The following POLR1B variants were observed in gnomAD, a reference collection of about 807,000 sequenced individuals.
POLR1B encodes the protein RNA polymerase I subunit B.
A neutral mutation model predicts 105.8 loss-of-function variants in POLR1B; 30 were observed. The ratio of observed to expected loss-of-function variants is 0.28; its 90% CI spans 0.21 to 0.38. POLR1B has a LOEUF of 0.38. POLR1B is among the 10% of genes least tolerant of loss of function. The pLI, the probability that POLR1B is intolerant of heterozygous loss-of-function variation, is 1.00. For synonymous variants in POLR1B, 485 were observed against 505.1 expected, an observed-to-expected ratio of 0.96 and a Z score of 0.53; for missense variants, 976 against 1,435.8, an observed-to-expected ratio of 0.68 and a Z score of 5.17.
chr2:112,574,978 G>A lies in POLR1B; in HGVS notation c.2657G>A (p.Arg886His), dbSNP rs917627856. 1 of 1,614,170 alleles carries A rather than the reference G, an allele frequency of 6.2e-7. No individual in the cohort carries two copies. The stretch of plus-strand genomic sequence containing the variant: ...ACTATCGGAGATAAATTTGCCAGTC[G>A]CCATGGGCAGAAGGGCATTTTAAGC... ...NPTIGDKFAS[R>H]HGQKGILSRL... The change falls in exon 15 of 15, where the codon CGC becomes CAC. Residue 886 changes from arginine to histidine, a missense_variant. Arg to His is a conservative substitution (Grantham distance 29). This residue lies in a region of POLR1B where 35 missense variants were observed against 102.5 expected (regional missense o/e 0.34). Coordinates refer to ENST00000263331, the MANE Select transcript of POLR1B (RefSeq NM_019014.6).
rs373762215 is a variant in POLR1B, at chr2:112,568,737, C to T, written c.1918-9C>T. On this transcript the variant is annotated splice_polypyrimidine_tract_variant and intron_variant, in intron 11 of 14. Coordinates refer to ENST00000263331, the MANE Select transcript of POLR1B (RefSeq NM_019014.6). ...AGTTATTTTGTGCCTTGGACATCTG[C>T]TCTTCCAGATCTTCATGAATGTCGC... 1 of 1,613,272 alleles carries T rather than the reference C, an allele frequency of 6.2e-7. No individual in the cohort carries two copies. Among genetic ancestry groups the T allele is most frequent in the African/African-American group, 1.3e-5 (1 of 74,898 alleles).
chr2:112,550,681 G>A (rs986751644), intron 4 of POLR1B, 185 bp from the exon 5 acceptor site: 14 of 603,410 alleles, frequency 2.3e-5, no homozygotes, highest in African/African-American at 3.7e-5. Context: ...TTCTCAATCT[G>A]GGTAGATTTT....
chr2:112,569,005 A>G, intron 12 of POLR1B, 103 bp downstream of exon 12: 13 of 1,259,520 alleles, frequency 1.0e-5, no homozygotes, highest in Non-Finnish European at 1.4e-5. Context: ...ATTTGTTCCA[A>G]AAATACAGTT....
At chr2:112,571,842 T>G (rs1684611151) in intron 12 of POLR1B, among the ~76,000 whole-genome samples, 1 of 152,192 alleles carries the variant, frequency 6.6e-6, no homozygotes, top group African/African-American at 2.4e-5. Context: ...TCACCCAGTG[T>G]GTTCCTTTTG....
chr2:112,568,187 T>C lies in POLR1B; in HGVS notation c.1917+50T>C, dbSNP rs1443687581. 2.0e-6 allele frequency: 3 copies of C among 1,524,038 alleles called. No homozygotes were observed. In the African/African-American group the frequency reaches 4.1e-5, roughly 21 times the overall value. 94.4% of individuals were successfully genotyped at this position (1,524,038 alleles called of 1,614,324 possible). On this transcript the variant is annotated intron_variant, in intron 11 of 14. Transcript: ENST00000263331. Reference sequence around the variant, plus strand: ...AGTGTATGTGCTTGTTTGTATAGTATACAACTTTCAGAGACTTAACTCTTC... The same window carrying C: ...AGTGTATGTGCTTGTTTGTATAGTACACAACTTTCAGAGACTTAACTCTTC...
chr2:112,549,682 A>G (rs899673839), intron 4 of POLR1B, among the ~76,000 whole-genome samples: 3 of 151,854 alleles, frequency 2.0e-5, no homozygotes, highest in African/African-American at 7.3e-5. Flanking sequence ...TCTTGTGTTA[A>G]GTTTTCATAA....
chr2:112,547,337 C>T (rs1197401565), intron 2 of POLR1B, 84 bp from the exon 3 acceptor site: 4 of 1,503,204 alleles, frequency 2.7e-6, no homozygotes, highest in South Asian at 2.5e-5. Context: ...AATTGATCTT[C>T]TTCCTCAGTC....
At chr2:112,554,171 C>G (rs11123140) in intron 7 of POLR1B, among the ~76,000 whole-genome samples, 98,523 of 151,646 alleles carry the variant, frequency 0.65, 32,775 homozygotes, top group Middle Eastern at 0.79. Context: ...CTTGCTCTGT[C>G]TCCCAGGCTG....
At chr2:112,565,771 A>G (rs1267642878) in intron 10 of POLR1B, among the ~76,000 whole-genome samples, 2 of 151,840 alleles carry the variant, frequency 1.3e-5, no homozygotes, top group African/African-American at 4.8e-5. Context: ...ATTACATAGG[A>G]TGACTGATGG....
chr2:112,548,888 A>T (rs1683209918), intron 3 of POLR1B, among the ~76,000 whole-genome samples: 1 of 152,202 alleles, frequency 6.6e-6, no homozygotes, highest in Non-Finnish European at 1.5e-5. Context: ...CTGTGATTAC[A>T]GGCGTGAGCC....
At position 112,542,611 on chromosome 2, in the gene POLR1B, G is replaced by C. The variant is rs374432045; in HGVS notation, c.117G>C (p.Thr39=). The change falls in exon 1 of 15, where the codon ACG becomes ACC. Residue 39 remains threonine, a synonymous_variant. Transcript: ENST00000263331. ...EQQKAALQEL[T]RAHVESFNYA... ...AAAAGGCAGCGTTGCAGGAGCTGAC[G>C]CGGGCGCACGTGGAGTCCTTCAACT... is the stretch of plus-strand genomic sequence containing the variant. The C allele has an allele frequency of 1.2e-6, 2 of 1,614,004 alleles. No individual in the cohort carries two copies. The highest frequency in any genetic ancestry group is 1.7e-6 in the Non-Finnish European group (2 of 1,180,044).
chr2:112,567,929 G>T, intron 10 of POLR1B, 38 bp from the exon 11 acceptor site: 2 of 1,576,492 alleles, frequency 1.3e-6, no homozygotes, highest in Non-Finnish European at 1.7e-6. Context: ...CCATGGCCTT[G>T]GGACAGGTTT....
In POLR1B at chr2:112,579,189, CAG is replaced by C. The variant is rs1338096801; in HGVS notation, c.*3463_*3464del. Among the ~76,000 whole-genome samples, 1 of 97,774 alleles carries C rather than the reference CAG, an allele frequency of 1.0e-5. No homozygotes were observed. Among genetic ancestry groups the C allele is most frequent in the Non-Finnish European group, 1.8e-5 (1 of 55,154 alleles). 64.1% of individuals were successfully genotyped at this position (97,774 alleles called of 152,430 possible). On this transcript the variant is annotated 3_prime_UTR_variant, in exon 15 of 15. Coordinates refer to ENST00000263331, the MANE Select transcript of POLR1B (RefSeq NM_019014.6). ...CGCCACTGCACAGCAACCTGGGCAA[CAG>C]AGCAAGACTAGAGTCTCAAAAAAAA...
In POLR1B at chr2:112,576,271, G is replaced by A. The variant is rs1340361737; in HGVS notation, c.*542G>A. On this transcript the variant is annotated 3_prime_UTR_variant, in exon 15 of 15. Coordinates refer to ENST00000263331, the MANE Select transcript of POLR1B (RefSeq NM_019014.6). ...CCTTTGATACCATCACCACAATCAG[G>A]GTAATAAACATACCTGTCATCTCCA... The A allele has an allele frequency of 6.6e-6, 1 of 152,172 alleles. No individual in the cohort carries two copies. Among genetic ancestry groups the A allele is most frequent in the Non-Finnish European group, 1.5e-5 (1 of 68,120 alleles). The allele number at this position is 152,172 out of a possible 1,614,324, so 9.4% of individuals were successfully genotyped here. A position where few individuals can be genotyped will look rare whatever the true frequency, so the allele number is the denominator to read the frequency against.
At position 112,559,293 on chromosome 2, in the gene POLR1B, G is replaced by A. The variant is rs1683834644; in HGVS notation, c.1331G>A (p.Gly444Asp). 3 of 1,613,548 alleles carry A rather than the reference G, an allele frequency of 1.9e-6. No homozygotes were observed. The highest frequency in any genetic ancestry group is 1.7e-5 in the Admixed American group (1 of 59,976). ...TTTGAATGACTTTTGTTTTATTAAG[G>A]TCTTGGCCTCCTACAAGATTCTGGA... ...FATGNLRSKT[G>D]LGLLQDSGLC... is the part of the protein sequence containing the mutation. The change falls in exon 9 of 15, where the codon GGT becomes GAT. Residue 444 changes from glycine to aspartate, a missense_variant and splice_region_variant. This residue lies in a region of POLR1B where 452 missense variants were observed against 616.5 expected (regional missense o/e 0.73). Coordinates refer to ENST00000263331, the MANE Select transcript of POLR1B (RefSeq NM_019014.6).
chr2:112,576,091 A>C lies in POLR1B; in HGVS notation c.*362A>C, dbSNP rs1037525515. On this transcript the variant is annotated 3_prime_UTR_variant, in exon 15 of 15. Coordinates refer to ENST00000263331, the MANE Select transcript of POLR1B (RefSeq NM_019014.6). ...TCCATCTTGAGCAGGACAGTACTAT[A>C]CAAATAGAATGCAAGCTGTAATGTA... is the stretch of plus-strand genomic sequence containing the variant. The C allele has an allele frequency of 5.4e-6, 1 of 184,212 alleles. No individual in the cohort carries two copies. The highest frequency in any genetic ancestry group is 2.4e-5 in the African/African-American group (1 of 42,214). 11.4% of individuals were successfully genotyped at this position (184,212 alleles called of 1,614,324 possible).
In POLR1B at chr2:112,578,502, CTTTT is replaced by C. The variant is rs1684962887; in HGVS notation, c.*2775_*2778del. 6.6e-6 allele frequency among the ~76,000 whole-genome samples: 1 copy of C among 152,078 alleles called. No homozygotes were observed. Among genetic ancestry groups the C allele is most frequent in the Admixed American group, 6.6e-5 (1 of 15,252 alleles). On this transcript the variant is annotated 3_prime_UTR_variant, in exon 15 of 15. Coordinates refer to ENST00000263331, the MANE Select transcript of POLR1B (RefSeq NM_019014.6). ...AGTTGCATGTATCAATAGTTAATTC[CTTTT>C]TATTGCTACACAGTACTCCATAGTA...
At chr2:112,560,410 G>T (rs1683916495) in intron 9 of POLR1B, among the ~76,000 whole-genome samples, 1 of 152,088 alleles carries the variant, frequency 6.6e-6, no homozygotes, top group Non-Finnish European at 1.5e-5. Flanking sequence ...TTTGCAGGAG[G>T]ACAGTTTAAA....
intron 7 of POLR1B, chr2:112,554,496 T>A (rs534688225): frequency 8.5e-5 from 13 of 152,260 alleles, no homozygotes; most frequent in African/African-American, 3.1e-4. Context: ...ATAATCTTTG[T>A]TTCTGTTTGC....
Sources: gnomAD v4.1 joint callset for allele counts (sites outside exome capture counted in the v4.1 genomes callset) on GRCh38, gnomAD v4.1.1 for gene constraint, gnomAD v4.1.1 regional missense constraint, MANE v1.5 for transcripts, NCBI Gene and HGNC (gene_info 2026-07-23, HGNC 2026-07-21) for gene names.